The following WDPCP variants were observed in gnomAD, a reference collection of about 807,000 sequenced individuals.
WDPCP encodes the protein WD repeat-containing and planar cell polarity effector protein fritz homolog.
A neutral mutation model predicts 93.1 loss-of-function variants in WDPCP; 71 were observed. The observed-to-expected ratio is 0.76, with a 90% CI of 0.63 to 0.93. The LOEUF (loss-of-function observed/expected upper bound fraction) is 0.93, where lower values mean the gene tolerates loss of function less well. Ranked by LOEUF, WDPCP falls within the 40% of genes least tolerant of loss-of-function variation. The pLI is 0.00. For missense variants in WDPCP, 844 were observed against 887.4 expected, an observed-to-expected ratio of 0.95 and a Z score of 0.62; for synonymous variants, 315 against 315.0, an observed-to-expected ratio of 1.00 and a Z score of 0.00.
At chr2:63,808,417 A>G (rs1558915804) in intron 2 of WDPCP, among the ~76,000 whole-genome samples, 1 of 144,404 alleles carries the variant, frequency 6.9e-6, no homozygotes, top group Non-Finnish European at 1.5e-5. Flanking sequence ...TACTGCTGCC[A>G]TCTCGGCTCA....
chr2:63,341,943 C>T, intron 12 of WDPCP, among the ~76,000 whole-genome samples: 1 of 152,214 alleles, frequency 6.6e-6, no homozygotes, highest in Admixed American at 6.5e-5. Context: ...AAGTGAGTCA[C>T]TTCTAGAACA....
At chr2:63,139,395 C>T (rs531479472) in intron 17 of WDPCP, among the ~76,000 whole-genome samples, 19 of 152,312 alleles carry the variant, frequency 1.2e-4, no homozygotes, top group African/African-American at 4.3e-4. Flanking sequence ...TAAGGAATCT[C>T]CACACTGTTT....
chr2:63,545,688 A>G (rs1283008943), intron 1 of WDPCP, among the ~76,000 whole-genome samples: 2 of 152,038 alleles, frequency 1.3e-5, no homozygotes, highest in Non-Finnish European at 2.9e-5. Flanking sequence ...GATGTCAAGT[A>G]GAACTCAGAT....
At chr2:63,660,157 G>C (rs919364901) in intron 2 of WDPCP, among the ~76,000 whole-genome samples, 2 of 151,864 alleles carry the variant, frequency 1.3e-5, no homozygotes, top group Non-Finnish European at 2.9e-5. Context: ...GAGTTGATTT[G>C]TTTACTTTTT....
chr2:63,488,067 C>A (rs960785707), intron 2 of WDPCP, among the ~76,000 whole-genome samples: 1 of 152,078 alleles, frequency 6.6e-6, no homozygotes, highest in African/African-American at 2.4e-5. Flanking sequence ...TTTGCTGGGG[C>A]TACCTAAGAA....
At chr2:63,721,947 T>C (rs1669421904) in intron 2 of WDPCP, among the ~76,000 whole-genome samples, 2 of 152,110 alleles carry the variant, frequency 1.3e-5, no homozygotes, top group South Asian at 4.1e-4. Flanking sequence ...GCCAGGCCGG[T>C]CTCCAGCCCC....
At position 63,626,528 on chromosome 2, in the gene WDPCP, C is replaced by T. The variant is rs143507273; in HGVS notation, n.488+24131G>A. On this transcript the variant is annotated intron_variant and non_coding_transcript_variant, in intron 3 of 4. Coordinates refer to the WDPCP transcript ENST00000467687. ...CCCATTAAAAAAGGATATGAACAGA[C>T]ACTTCTCAAAAGAAGACATTTATGC... 6.5e-3 allele frequency among the ~76,000 whole-genome samples: 994 copies of T among 152,276 alleles called. 15 individuals carry two copies. The highest frequency in any genetic ancestry group is 0.023 in the African/African-American group (942 of 41,562).
intron 2 of WDPCP, among the ~76,000 whole-genome samples, chr2:63,706,100 TC>T (rs925113447): frequency 2.0e-5 from 3 of 152,212 alleles, no homozygotes; most frequent in Admixed American, 1.3e-4. Context: ...GTCTGTTTTA[TC>T]CAAGACTAGG....
chr2:63,166,595 A>G (rs942316567), intron 15 of WDPCP, among the ~76,000 whole-genome samples: 1 of 150,464 alleles, frequency 6.6e-6, no homozygotes, highest in Middle Eastern at 3.3e-3. Flanking sequence ...GTTTCGCCAT[A>G]TTTGCCGAGC....
chr2:63,463,713 A>G (rs1047558604), intron 6 of WDPCP, among the ~76,000 whole-genome samples: 2 of 152,232 alleles, frequency 1.3e-5, no homozygotes, highest in African/African-American at 4.8e-5. Context: ...ATCTTCCACA[A>G]GGGTGCCAAG....
chr2:63,401,484 A>G (rs1694148235), intron 10 of WDPCP, among the ~76,000 whole-genome samples: 1 of 152,178 alleles, frequency 6.6e-6, no homozygotes, highest in African/African-American at 2.4e-5. Flanking sequence ...TTATTTACAA[A>G]GTCAAGAGGC....
intron 9 of WDPCP, among the ~76,000 whole-genome samples, chr2:63,411,977 T>G (rs1695054641): frequency 6.6e-6 from 1 of 152,136 alleles, no homozygotes; most frequent in Admixed American, 6.5e-5. Context: ...CCAATCCTTT[T>G]GATACTACTC....
intron 6 of WDPCP, among the ~76,000 whole-genome samples, chr2:63,470,660 C>T (rs1462642616): frequency 1.3e-5 from 2 of 152,152 alleles, no homozygotes; most frequent in Non-Finnish European, 2.9e-5. Context: ...TACAGTGATC[C>T]AATTAAAAAG....
At chr2:63,202,171 T>A (rs1039926887) in intron 14 of WDPCP, among the ~76,000 whole-genome samples, 1 of 151,960 alleles carries the variant, frequency 6.6e-6, no homozygotes, top group Non-Finnish European at 1.5e-5. Flanking sequence ...ATTTTATATA[T>A]ATATAGGATT....
chr2:63,362,270 T>G (rs1690526168), intron 12 of WDPCP, among the ~76,000 whole-genome samples: 1 of 130,824 alleles, frequency 7.6e-6, no homozygotes, highest in African/African-American at 3.1e-5. Context: ...TTTTTTTTTT[T>G]TTTTGGTTGT....
intron 17 of WDPCP, among the ~76,000 whole-genome samples, chr2:63,144,934 TG>T (rs1259632584): frequency 6.6e-6 from 1 of 152,234 alleles, no homozygotes; most frequent in Non-Finnish European, 1.5e-5. Context: ...CAGGTTCTTT[TG>T]TCCCACAGGG....
At chr2:63,255,677 G>T (rs1024625771) in intron 14 of WDPCP, among the ~76,000 whole-genome samples, 41 of 152,142 alleles carry the variant, frequency 2.7e-4, no homozygotes, top group African/African-American at 9.9e-4. Context: ...CATATAGCCT[G>T]AAGAACCTTG....
chr2:63,398,002 C>A (rs1693868321), intron 10 of WDPCP, among the ~76,000 whole-genome samples: 1 of 152,098 alleles, frequency 6.6e-6, no homozygotes, highest in Non-Finnish European at 1.5e-5. Flanking sequence ...GGGAGGGTGA[C>A]AAAGTAAAGG....
chr2:63,627,222 A>G (rs1709819503), intron 3 of WDPCP, among the ~76,000 whole-genome samples: 3 of 152,118 alleles, frequency 2.0e-5, no homozygotes, highest in South Asian at 2.1e-4. Context: ...TGTATTGTCA[A>G]CCTCCCCCAA....
Sources: gnomAD v4.1 joint callset for allele counts (sites outside exome capture counted in the v4.1 genomes callset) on GRCh38, gnomAD v4.1.1 for gene constraint, MANE v1.5 for transcripts, NCBI Gene and HGNC (gene_info 2026-07-23, HGNC 2026-07-21) for gene names.